TNKS: variants seen among roughly 807,000 people sequenced by gnomAD.
TNKS encodes poly [ADP-ribose] polymerase tankyrase-1.
In TNKS, 72 loss-of-function variants were observed where a neutral mutation model predicts 135.8. That is an observed-to-expected ratio of 0.53 (90% CI 0.44 to 0.64). TNKS has a LOEUF of 0.64. Ranked by LOEUF, TNKS falls within the 30% of genes least tolerant of loss-of-function variation. The pLI is 0.00. For synonymous variants in TNKS, 849 were observed against 649.3 expected, an observed-to-expected ratio of 1.31 and a Z score of -4.68; for missense variants, 1,769 against 1,674.0, an observed-to-expected ratio of 1.06 and a Z score of -0.99.
At chr8:9,556,759 C>A in intron 1 of TNKS, 147 bp downstream of exon 1, 1 of 795,950 alleles carries the variant, frequency 1.3e-6, no homozygotes, top group South Asian at 2.2e-5. Flanking sequence ...AGGTTCCTTT[C>A]TTTTGGTGGT....
chr8:9,617,310 C>T (rs1004869689), intron 3 of TNKS, among the ~76,000 whole-genome samples: 4 of 152,168 alleles, frequency 2.6e-5, no homozygotes, highest in Non-Finnish European at 5.9e-5. Flanking sequence ...TTAAAGCCAT[C>T]TAACACTGTA....
At chr8:9,609,205 T>A (rs1273897926) in intron 2 of TNKS, among the ~76,000 whole-genome samples, 1 of 152,208 alleles carries the variant, frequency 6.6e-6, no homozygotes, top group Non-Finnish European at 1.5e-5. Context: ...GTTCTTGAGT[T>A]GTCTATTTCT....
At chr8:9,578,335 A>C (rs919707879) in intron 1 of TNKS, among the ~76,000 whole-genome samples, 1 of 152,226 alleles carries the variant, frequency 6.6e-6, no homozygotes, top group Non-Finnish European at 1.5e-5. Flanking sequence ...AAGAAAACCT[A>C]ACATCCGTAA....
At chr8:9,610,465 A>G (rs976182916) in intron 2 of TNKS, among the ~76,000 whole-genome samples, 5 of 151,980 alleles carry the variant, frequency 3.3e-5, no homozygotes, top group African/African-American at 9.7e-5. Flanking sequence ...GCAAGGATCT[A>G]TCGTGTTTCA....
At chr8:9,688,470 C>T (rs1331736219) in intron 5 of TNKS, among the ~76,000 whole-genome samples, 1 of 152,162 alleles carries the variant, frequency 6.6e-6, no homozygotes, top group Non-Finnish European at 1.5e-5. Flanking sequence ...TTTCTTAATT[C>T]ATTGTATACC....
chr8:9,688,182 G>T (rs1371342673), intron 5 of TNKS, among the ~76,000 whole-genome samples: 1 of 152,140 alleles, frequency 6.6e-6, no homozygotes, highest in Non-Finnish European at 1.5e-5. Flanking sequence ...ATTATGATTT[G>T]AGTACCCTTT....
At chr8:9,711,590 TG>T (rs1804336878) in intron 11 of TNKS, among the ~76,000 whole-genome samples, 1 of 152,176 alleles carries the variant, frequency 6.6e-6, no homozygotes. Context: ...TTGTCATAGT[TG>T]TGTTCTTTTT....
chr8:9,647,459 T>C (rs907334385), intron 3 of TNKS, among the ~76,000 whole-genome samples: 2 of 152,180 alleles, frequency 1.3e-5, no homozygotes, highest in Admixed American at 1.3e-4. Context: ...TTTGCCACTG[T>C]TGAGCAAAAA....
At chr8:9,723,956 C>G (rs940967234) in intron 12 of TNKS, among the ~76,000 whole-genome samples, 1 of 152,168 alleles carries the variant, frequency 6.6e-6, no homozygotes, top group Non-Finnish European at 1.5e-5. Flanking sequence ...TTTACAGTGG[C>G]ACATTGAAAT....
chr8:9,735,335 T>G (rs992186827), intron 16 of TNKS, 42 bp from the exon 17 acceptor site: 5 of 1,573,976 alleles, frequency 3.2e-6, no homozygotes, highest in Admixed American at 1.7e-5. Flanking sequence ...TTTTTTTTCC[T>G]TTAAGCTGAC....
At chr8:9,733,183 G>C in intron 14 of TNKS, 96 bp from the exon 15 acceptor site, 1 of 1,195,732 alleles carries the variant, frequency 8.4e-7, no homozygotes, top group South Asian at 1.6e-5. Context: ...GTTCAGTATA[G>C]TCAGTACCAT....
At chr8:9,684,020 T>C (rs182895369) in intron 5 of TNKS, among the ~76,000 whole-genome samples, 124 of 152,046 alleles carry the variant, frequency 8.2e-4, no homozygotes, top group African/African-American at 2.8e-3. Flanking sequence ...TCTAAAATGA[T>C]ACTTTTATGC....
intron 3 of TNKS, among the ~76,000 whole-genome samples, chr8:9,660,661 C>G (rs1312469130): frequency 6.6e-5 from 10 of 152,162 alleles, no homozygotes; most frequent in Admixed American, 2.6e-4. Flanking sequence ...GAAGCATTCC[C>G]TTTAAACACT....
intron 3 of TNKS, among the ~76,000 whole-genome samples, chr8:9,675,801 A>G (rs1802507766): frequency 6.6e-6 from 1 of 152,144 alleles, no homozygotes; most frequent in Non-Finnish European, 1.5e-5. Flanking sequence ...GATAATGGAT[A>G]ATACTTAGTG....
chr8:9,708,483 A>T lies in TNKS; in HGVS notation c.1569A>T (p.Glu523Asp). ...ATTTCAAACAACCGCAGTCTCATGAAACAGCACTGGTAAGATTTTATTGTT... is the reference window on the plus strand; with the variant it reads ...ATTTCAAACAACCGCAGTCTCATGATACAGCACTGGTAAGATTTTATTGTT... ...IINFKQPQSH[E>D]TALHCAVASL... Residue 523 changes from glutamate to aspartate, a missense_variant, in exon 9 of 27, where the codon GAA (glutamate) becomes GAT (aspartate). Coordinates refer to ENST00000310430, the MANE Select transcript of TNKS (RefSeq NM_003747.3). 1 of 1,601,716 alleles carries T rather than the reference A, an allele frequency of 6.2e-7. No individual in the cohort carries two copies. The highest frequency in any genetic ancestry group is 1.1e-5 in the South Asian group (1 of 88,238).
chr8:9,571,631 A>G (rs1797762214), intron 1 of TNKS, among the ~76,000 whole-genome samples: 1 of 151,900 alleles, frequency 6.6e-6, no homozygotes, highest in Non-Finnish European at 1.5e-5. Flanking sequence ...CTATTTTTTT[A>G]TATTTGTAGT....
intron 22 of TNKS, among the ~76,000 whole-genome samples, chr8:9,763,821 C>T (rs1346752298): frequency 3.9e-5 from 6 of 152,130 alleles, no homozygotes; most frequent in Non-Finnish European, 8.8e-5. Flanking sequence ...CAGCCTAATG[C>T]CATTGTTATA....
intron 22 of TNKS, among the ~76,000 whole-genome samples, chr8:9,763,564 A>T (rs992347176): frequency 6.6e-6 from 1 of 152,236 alleles, no homozygotes; most frequent in Non-Finnish European, 1.5e-5. Context: ...AGAATGACAT[A>T]GAATGAAAAA....
chr8:9,606,651 T>C (rs1799232239), intron 2 of TNKS, among the ~76,000 whole-genome samples: 1 of 152,168 alleles, frequency 6.6e-6, no homozygotes, highest in Admixed American at 6.5e-5. Context: ...TTGAGGTCTT[T>C]GCTAACTAAC....
Sources: gnomAD v4.1 joint callset for allele counts (sites outside exome capture counted in the v4.1 genomes callset) on GRCh38, gnomAD v4.1.1 for gene constraint, MANE v1.5 for transcripts, NCBI Gene and HGNC (gene_info 2026-07-23, HGNC 2026-07-21) for gene names.